Variants in PKD1 observed in about 807,000 individuals in gnomAD.
PKD1 encodes polycystin-1.
PKD1 carries 81 observed loss-of-function variants against 361.7 expected under a neutral mutation model. The ratio of observed to expected loss-of-function variants is 0.22; its 90% CI spans 0.19 to 0.27. The LOEUF (loss-of-function observed/expected upper bound fraction) is 0.27. PKD1 is among the 10% of genes least tolerant of loss of function. The pLI, the probability that PKD1 is intolerant of heterozygous loss-of-function variation, is 1.00. For synonymous variants in PKD1, 3,615 were observed against 2,818.3 expected, an observed-to-expected ratio of 1.28 and a Z score of -8.95; for missense variants, 6,399 against 6,118.3, an observed-to-expected ratio of 1.05 and a Z score of -1.53.
At chr16:2,124,008 C>T (rs1414226203) in intron 1 of PKD1, among the ~76,000 whole-genome samples, 3 of 152,204 alleles carry the variant, frequency 2.0e-5, no homozygotes, top group Non-Finnish European at 1.5e-5. Flanking sequence ...ACCATCCTAG[C>T]GTGGGACCCA....
rs369801323 is a variant in PKD1 at position 2,092,562 on chromosome 16, G to A, written c.11187C>T (p.His3729=). ...RSEELWPWMA[H]VLLPYVHGNQ... ...TCCCGTGGACGTAGGGCAGCAGCAC[G>A]TGGGCCATCCATGGCCAGAGCTCCT... Residue 3729 remains histidine, a synonymous_variant, in exon 39 of 46, where the codon CAC becomes CAT. Coordinates refer to ENST00000262304, the MANE Select transcript of PKD1 (RefSeq NM_001009944.3). 1.4e-5 allele frequency: 22 copies of A among 1,612,062 alleles called. No individual in the cohort carries two copies. Among genetic ancestry groups the A allele is most frequent in the Middle Eastern group, 1.6e-4 (1 of 6,084 alleles).
At chr16:2,099,481 T>C (rs1397363568) in intron 30 of PKD1, 163 bp downstream of exon 30, 5 of 710,494 alleles carry the variant, frequency 7.0e-6, no homozygotes, top group Non-Finnish European at 7.5e-6. Context: ...TCTTTCTCCC[T>C]GGTCAGTCTA....
chr16:2,093,459 G>A (rs1376274406), intron 37 of PKD1, 85 bp downstream of exon 37: 2 of 1,281,530 alleles, frequency 1.6e-6, no homozygotes, highest in Non-Finnish European at 1.1e-6. Context: ...TGAGGAAAGG[G>A]GGACAGGAGT....
chr16:2,134,853 C>T (rs1013343479), intron 1 of PKD1, among the ~76,000 whole-genome samples: 39 of 150,754 alleles, frequency 2.6e-4, no homozygotes, highest in Non-Finnish European at 3.5e-4. Context: ...CCCCCCTCAC[C>T]CCTGTTCTCA....
rs767533502 is a variant in PKD1, at chr16:2,094,186, T to C, written c.10524A>G (p.Thr3508=). 5.0e-6 allele frequency: 8 copies of C among 1,605,728 alleles called. No individual in the cohort carries two copies. In the East Asian group the frequency reaches 1.8e-4, roughly 36 times the overall value. The change falls in exon 35 of 46, where the codon ACA becomes ACG. Residue 3508 remains threonine, a synonymous_variant. Coordinates refer to ENST00000262304, the MANE Select transcript of PKD1 (RefSeq NM_001009944.3). ...CCAGCCTCTGCAGCGCCAGCGTCTC[T>C]GTCTTCTCCCCAGGAGTGCTGGACC... ...SSLSSTPGEK[T]ETLALQRLGE...
Position 2,090,716 on chromosome 16 carries a change from G to A in PKD1, c.12096C>T (p.Gly4032=), listed in dbSNP as rs760028707. The A allele has an allele frequency of 1.4e-5, 22 of 1,612,350 alleles. No homozygotes were observed. In the East Asian group the frequency reaches 3.1e-4, roughly 23 times the overall value. The change falls in exon 44 of 46, where the codon GGC becomes GGT. Residue 4032 remains glycine (G), a synonymous_variant. Coordinates refer to ENST00000262304, the MANE Select transcript of PKD1 (RefSeq NM_001009944.3). ...ALPELLGVTL[G]LVVLGVAYAQ... is the part of the protein sequence containing the mutation. ...CGTAGGCTACCCCGAGCACCACCAG[G>A]CCCAAGGTGACCCCCAGGAGCTCTG...
rs141557400 is a variant in PKD1 at position 2,110,322 on chromosome 16, G to A, written c.4845C>T (p.Asn1615=). The part of the protein sequence containing the change: ...GTFNIIVTAE[N]EVGSAQDSIF... Reference sequence around the variant, plus strand: ...TGCTGTCCTGGGCGGAGCCCACCTCGTTCTCAGCCGTGACGATGATATTGA... The same window carrying A: ...TGCTGTCCTGGGCGGAGCCCACCTCATTCTCAGCCGTGACGATGATATTGA... Residue 1615 remains asparagine (N), a synonymous_variant, in exon 15 of 46, where the codon AAC becomes AAT. Coordinates refer to ENST00000262304, the MANE Select transcript of PKD1 (RefSeq NM_001009944.3). 5.1e-3 allele frequency: 8,216 copies of A among 1,612,636 alleles called. 22 individuals are homozygous for A. The highest frequency in any genetic ancestry group is 6.4e-3 in the Non-Finnish European group (7,497 of 1,179,848).
At chr16:2,113,924 T>C in intron 11 of PKD1, 2 of 581,750 alleles carry the variant, frequency 3.4e-6, no homozygotes, top group Non-Finnish European at 6.2e-6. Context: ...AGCAGAGTTT[T>C]AAATTCATTT....
chr16:2,093,697 C>T lies in PKD1; in HGVS notation c.10863G>A (p.Arg3621=). The T allele has an allele frequency of 6.3e-7, 1 of 1,599,768 alleles. No homozygotes were observed. Among genetic ancestry groups the T allele is most frequent in the African/African-American group, 1.3e-5 (1 of 74,746 alleles). ...GGGTGTCATCTTCATCCGGGTGCAGCCGCTTGGCCACCAGTGAGAAGTACA... is the reference window on the plus strand; with the variant it reads ...GGGTGTCATCTTCATCCGGGTGCAGTCGCTTGGCCACCAGTGAGAAGTACA... ...EALYFSLVAK[R]LHPDEDDTLV... is the part of the protein sequence containing the mutation. The change falls in exon 37 of 46, where the codon CGG becomes CGA. Residue 3621 remains arginine, a synonymous_variant. Coordinates refer to ENST00000262304, the MANE Select transcript of PKD1 (RefSeq NM_001009944.3).
rs967508024 is a variant in PKD1, at chr16:2,135,274, G to C, written c.215+201C>G. On this transcript the variant is annotated intron_variant, in intron 1 of 45. Transcript: ENST00000262304. ...CCCCCGGGTGGGACGTCTGTCTCCA[G>C]ACCCGGGGTTTTTCGGCTCCCCGGG... 32 of 985,092 alleles carry C rather than the reference G, an allele frequency of 3.2e-5. No homozygotes were observed. In the African/African-American group the frequency reaches 5.1e-4, roughly 16 times the overall value. 61.0% of individuals were successfully genotyped at this position (985,092 alleles called of 1,614,324 possible).
At position 2,118,966 on chromosome 16, in the gene PKD1, C is replaced by G; in HGVS notation, c.360-121G>C. The G allele has an allele frequency of 2.4e-6, 2 of 817,898 alleles. No individual in the cohort carries two copies. The highest frequency in any genetic ancestry group is 1.5e-5 in the South Asian group (1 of 66,478). 50.7% of individuals were successfully genotyped at this position (817,898 alleles called of 1,614,324 possible). A position where few individuals can be genotyped will look rare whatever the true frequency, so the allele number is the denominator to read the frequency against. ...CACCGCCTCCCCTGCCCCAACCAAG[C>G]CGGCACTGGGGGGCTCCAAGCAGGC... On this transcript the variant is annotated intron_variant, in intron 3 of 45. Transcript: ENST00000262304. This position sits in a 1 kb window ranked among gnomAD's most constrained non-coding sequence, Gnocchi z 6.0.
chr16:2,100,522 G>A lies in PKD1; in HGVS notation c.9442C>T (p.Arg3148Trp), dbSNP rs569105973. ...CCGTCCAGGTGCCGGTGGCCGCTCCGGCTGTCCACCCCATACAGCATGATG... is the reference window on the plus strand; with the variant it reads ...CCGTCCAGGTGCCGGTGGCCGCTCCAGCTGTCCACCCCATACAGCATGATG... ...VGIMLYGVDSRSGHRHLDGDR... is the reference protein window; with the variant it reads ...VGIMLYGVDSWSGHRHLDGDR... Residue 3148 changes from arginine (R) to tryptophan (W), a missense_variant, in exon 27 of 46, where the codon CGG (arginine) becomes TGG (tryptophan). By Grantham distance (101) the Arg-to-Trp change is moderately radical. Coordinates refer to ENST00000262304, the MANE Select transcript of PKD1 (RefSeq NM_001009944.3). The surrounding 1 kb of genome is among the most constrained non-coding windows in gnomAD (Gnocchi z 4.4). 30 of 1,610,558 alleles carry A rather than the reference G, an allele frequency of 1.9e-5. No homozygotes were observed. The highest frequency in any genetic ancestry group is 1.5e-4 in the Admixed American group (9 of 60,012).
chr16:2,129,711 G>C (rs1180531239), intron 1 of PKD1, among the ~76,000 whole-genome samples: 1 of 151,396 alleles, frequency 6.6e-6, no homozygotes, highest in African/African-American at 2.4e-5. Flanking sequence ...CACCACGCCC[G>C]GCCAATGTTC....
chr16:2,095,069 G>A (rs2091787733), intron 34 of PKD1: 2 of 152,240 alleles, frequency 1.3e-5, no homozygotes, highest in African/African-American at 4.8e-5. Flanking sequence ...GAGCTCAGGA[G>A]TTGGAGACAG....
At position 2,106,133 on chromosome 16, in the gene PKD1, A is replaced by G. The variant is rs1431334309; in HGVS notation, c.7661T>C (p.Val2554Ala). 2 of 1,605,908 alleles carry G rather than the reference A, an allele frequency of 1.2e-6. No individual in the cohort carries two copies. Among genetic ancestry groups the G allele is most frequent in the Admixed American group, 3.4e-5 (2 of 59,358 alleles). Residue 2554 changes from valine (V) to alanine (A), a missense_variant, in exon 19 of 46, where the codon GTG becomes GCG. Coordinates refer to ENST00000262304, the MANE Select transcript of PKD1 (RefSeq NM_001009944.3). The surrounding 1 kb of genome is among the most constrained non-coding windows in gnomAD (Gnocchi z 6.5). ...AGCGGCTCCCAGCTGGTCCTGCACC[A>G]CCACGGCCAGGCCCACCTCGAAGTG... ...RPHFEVGLAVVVQDQLGAAVV... is the reference protein window; with the variant it reads ...RPHFEVGLAVAVQDQLGAAVV...
chr16:2,111,563 C>A lies in PKD1; in HGVS notation c.3604G>T (p.Ala1202Ser), dbSNP rs1186108367. The A allele has an allele frequency of 3.8e-6, 6 of 1,579,372 alleles. No homozygotes were observed. Among genetic ancestry groups the A allele is most frequent in the Non-Finnish European group, 5.2e-6 (6 of 1,163,822 alleles). Reference sequence around the variant, plus strand: ...TCAAAGACGCGCACATCCGCCTGGGCCGCCGCACCGCTCACCGTGTTGTTG... The same window carrying A: ...TCAAAGACGCGCACATCCGCCTGGGACGCCGCACCGCTCACCGTGTTGTTG... ...EVNNTVSGAAAQADVRVFEEL... is the reference protein window; with the variant it reads ...EVNNTVSGAASQADVRVFEEL... The change falls in exon 15 of 46, where the codon GCC becomes TCC. Residue 1202 changes from alanine (A) to serine (S), a missense_variant. Coordinates refer to ENST00000262304, the MANE Select transcript of PKD1 (RefSeq NM_001009944.3).
At chr16:2,097,595 G>T in intron 32 of PKD1, 92 bp from the exon 33 acceptor site, 3 of 1,609,214 alleles carry the variant, frequency 1.9e-6, no homozygotes, top group South Asian at 1.1e-5. Context: ...CTGGGCTTCC[G>T]AGCAAACCTG....
intron 34 of PKD1, chr16:2,095,154 A>C (rs1490456157): frequency 1.3e-5 from 2 of 149,728 alleles, no homozygotes; most frequent in African/African-American, 2.5e-5. Context: ...TCACGCCTGT[A>C]ATCTCAGCAT....
chr16:2,114,517 G>A lies in PKD1; in HGVS notation c.2506C>T (p.Leu836Phe), dbSNP rs1283947296. The A allele has an allele frequency of 1.3e-6, 2 of 1,594,724 alleles. No individual in the cohort carries two copies. The highest frequency in any genetic ancestry group is 1.7e-6 in the Non-Finnish European group (2 of 1,179,086). The part of the protein sequence containing the change: ...VIYPAPRDGR[L>F]YVPTNGSALV... ...GCTGAGCCGTTGGTGGGCACGTAGA[G>A]GCGGCCGTCGCGGGGGGCAGGGTAG... The change falls in exon 11 of 46, where the codon CTC becomes TTC. Residue 836 changes from leucine (L) to phenylalanine (F), a missense_variant. Physicochemically the swap from Leu to Phe is conservative, Grantham distance 22. Coordinates refer to ENST00000262304, the MANE Select transcript of PKD1 (RefSeq NM_001009944.3).
Sources: allele counts gnomAD v4.1 joint callset (sites outside exome capture counted in the v4.1 genomes callset), GRCh38; gene constraint gnomAD v4.1.1; non-coding constraint Gnocchi (gnomAD v3.1); transcripts MANE v1.5; gene names NCBI Gene and HGNC (gene_info 2026-07-23, HGNC 2026-07-21).